The following MYO16 variants were observed in gnomAD, a reference collection of about 807,000 sequenced individuals.
The protein encoded by MYO16 is myosin XVI.
Under a neutral mutation model 205.3 loss-of-function variants are expected in MYO16, and 94 were observed. The observed-to-expected ratio is 0.46, with a 90% confidence interval of 0.39 to 0.54. The LOEUF is 0.54. Ranked by LOEUF, MYO16 falls within the 20% of genes least tolerant of loss-of-function variation. The pLI is 0.00. For synonymous variants in MYO16, 988 were observed against 954.0 expected, an observed-to-expected ratio of 1.04 and a Z score of -0.66; for missense variants, 2,315 against 2,387.5, an observed-to-expected ratio of 0.97 and a Z score of 0.63.
chr13:108,895,569 T>C (rs1231481513), intron 14 of MYO16, among the ~76,000 whole-genome samples: 2 of 152,222 alleles, frequency 1.3e-5, no homozygotes, highest in African/African-American at 2.4e-5. Context: ...ATGCCTTCTA[T>C]GTCTTTATTG....
At chr13:108,636,903 T>C (rs7337968) in intron 1 of MYO16, among the ~76,000 whole-genome samples, 19,662 of 152,172 alleles carry the variant, frequency 0.13, 1,741 homozygotes, top group South Asian at 0.25. Flanking sequence ...TATTTTATAA[T>C]AGTGTTCAAA....
chr13:108,867,826 C>T (rs1337987982), intron 12 of MYO16, among the ~76,000 whole-genome samples: 1 of 152,164 alleles, frequency 6.6e-6, no homozygotes. Flanking sequence ...TCAAACGTGA[C>T]ATACCTCCCC....
chr13:108,865,590 T>C (rs1258076480), intron 11 of MYO16, among the ~76,000 whole-genome samples: 1 of 152,072 alleles, frequency 6.6e-6, no homozygotes, highest in Admixed American at 6.5e-5. Context: ...TAATACAATT[T>C]ATAATCTTTG....
At chr13:109,159,955 G>A (rs1312763984) in intron 32 of MYO16, among the ~76,000 whole-genome samples, 1 of 152,264 alleles carries the variant, frequency 6.6e-6, no homozygotes, top group Non-Finnish European at 1.5e-5. Context: ...GCAGCAGAGA[G>A]GCTGGAGTCG....
intron 32 of MYO16, among the ~76,000 whole-genome samples, chr13:109,148,482 C>T (rs770233649): frequency 6.6e-6 from 1 of 152,192 alleles, no homozygotes; most frequent in African/African-American, 2.4e-5. Context: ...CACTGATAAA[C>T]AAATCTGGCA....
intron 23 of MYO16, among the ~76,000 whole-genome samples, chr13:109,035,084 A>G (rs1255479535): frequency 6.6e-6 from 1 of 152,144 alleles, no homozygotes; most frequent in Non-Finnish European, 1.5e-5. Context: ...CTACTTTACC[A>G]CGCTCTCATT....
At chr13:108,797,411 C>G (rs1165594106) in intron 6 of MYO16, among the ~76,000 whole-genome samples, 1 of 152,078 alleles carries the variant, frequency 6.6e-6, no homozygotes, top group Non-Finnish European at 1.5e-5. Context: ...GGGACCAAGC[C>G]ATGGAGATGA....
intron 4 of MYO16, among the ~76,000 whole-genome samples, chr13:108,736,304 C>T (rs1024676440): frequency 2.6e-5 from 4 of 152,042 alleles, no homozygotes; most frequent in African/African-American, 7.3e-5. Flanking sequence ...TTTAATCCAT[C>T]TCGAATTAAT....
At chr13:108,844,843 A>G (rs1280549611) in intron 10 of MYO16, among the ~76,000 whole-genome samples, 1 of 152,206 alleles carries the variant, frequency 6.6e-6, no homozygotes, top group East Asian at 1.9e-4. Context: ...CCAAATATTT[A>G]TGAACAAGAA....
intron 3 of MYO16, 88 bp downstream of exon 3, chr13:108,712,819 C>A: frequency 1.1e-6 from 1 of 938,204 alleles, no homozygotes; most frequent in Non-Finnish European, 1.6e-6. Context: ...AAATGTACAT[C>A]TCACAGATGA....
intron 4 of MYO16, among the ~76,000 whole-genome samples, chr13:108,729,499 T>C (rs1161369298): frequency 1.3e-5 from 2 of 152,174 alleles, no homozygotes; most frequent in Non-Finnish European, 2.9e-5. Flanking sequence ...TATGTTCTGA[T>C]TTCTTTTTTT....
At chr13:108,927,468 C>A (rs1882062515) in intron 16 of MYO16, among the ~76,000 whole-genome samples, 1 of 152,140 alleles carries the variant, frequency 6.6e-6, no homozygotes, top group Admixed American at 6.5e-5. Context: ...CTGCTGAGGA[C>A]CCCTGCTGCA....
chr13:108,987,690 T>G (rs1008157787), intron 20 of MYO16, among the ~76,000 whole-genome samples: 33 of 152,192 alleles, frequency 2.2e-4, no homozygotes, highest in African/African-American at 7.7e-4. Flanking sequence ...GGGGTCCTAC[T>G]GGTCTAACTC....
intron 34 of MYO16, among the ~76,000 whole-genome samples, chr13:109,199,647 C>A (rs1880326285): frequency 6.6e-6 from 1 of 152,184 alleles, no homozygotes. Flanking sequence ...AAATTATACT[C>A]AGTGTGAAGC....
At chr13:108,898,230 A>G (rs185454085) in intron 15 of MYO16, 97 bp downstream of exon 15, 319 of 895,570 alleles carry the variant, frequency 3.6e-4, no homozygotes, top group African/African-American at 2.2e-3. Flanking sequence ...GTATGAATCA[A>G]TGCTGGGAGA....
At chr13:108,966,137 A>G (rs1218523177) in intron 20 of MYO16, among the ~76,000 whole-genome samples, 2 of 152,194 alleles carry the variant, frequency 1.3e-5, no homozygotes, top group Non-Finnish European at 2.9e-5. Context: ...GAGAGTAGCT[A>G]TGGTATAATC....
At chr13:108,902,373 A>G (rs972975122) in intron 15 of MYO16, among the ~76,000 whole-genome samples, 4 of 152,226 alleles carry the variant, frequency 2.6e-5, no homozygotes, top group African/African-American at 9.6e-5. Context: ...TGATGTTCCC[A>G]TGTCTCCCAG....
chr13:108,781,328 T>C (rs773436090), intron 4 of MYO16, among the ~76,000 whole-genome samples: 6 of 152,212 alleles, frequency 3.9e-5, no homozygotes, highest in Non-Finnish European at 7.3e-5. Context: ...GGTTCCAGCC[T>C]ATGCTGAGGT....
intron 5 of MYO16, among the ~76,000 whole-genome samples, chr13:108,790,500 A>T (rs138963698): frequency 6.6e-6 from 1 of 152,222 alleles, no homozygotes; most frequent in African/African-American, 2.4e-5. Flanking sequence ...TTCAAAAAAC[A>T]ATACGAAAAT....
Sources: allele counts gnomAD v4.1 joint callset (sites outside exome capture counted in the v4.1 genomes callset), GRCh38; gene constraint gnomAD v4.1.1; transcripts MANE v1.5; gene names NCBI Gene and HGNC (gene_info 2026-07-23, HGNC 2026-07-21).